Variants in PTPRD observed in about 807,000 individuals in gnomAD.
PTPRD encodes the protein protein tyrosine phosphatase receptor type D, also known as receptor-type tyrosine-protein phosphatase delta.
PTPRD carries 34 observed loss-of-function variants against 214.5 expected under a neutral mutation model. The ratio of observed to expected loss-of-function variants is 0.16; its 90% CI spans 0.12 to 0.21. The LOEUF is 0.21. Among genes scored for constraint, PTPRD ranks in the 10% least tolerant of loss-of-function variants. The probability of loss-of-function intolerance (pLI) is 1.00; values close to 1 mark genes in which losing one functional copy is unlikely to be tolerated. For missense variants in PTPRD, 2,545 were observed against 2,398.7 expected, an observed-to-expected ratio of 1.06 and a Z score of -1.27; for synonymous variants, 1,128 against 845.7, an observed-to-expected ratio of 1.33 and a Z score of -5.79.
chr9:10,587,451 G>C (rs1405616038), intron 2 of PTPRD, among the ~76,000 whole-genome samples: 1 of 151,992 alleles, frequency 6.6e-6, no homozygotes, highest in Non-Finnish European at 1.5e-5. Flanking sequence ...TATCATAAGA[G>C]TGAAAATTAA....
intron 3 of PTPRD, among the ~76,000 whole-genome samples, chr9:10,086,865 T>C (rs1467824557): frequency 6.6e-6 from 1 of 151,864 alleles, no homozygotes; most frequent in African/African-American, 2.4e-5. Flanking sequence ...TGTGTATATG[T>C]GCATCCATCT....
At chr9:8,469,574 T>G (rs747333295) in intron 31 of PTPRD, among the ~76,000 whole-genome samples, 2 of 152,086 alleles carry the variant, frequency 1.3e-5, no homozygotes, top group African/African-American at 2.4e-5. Context: ...TTCAAAATGC[T>G]TAGAAAAGAG....
At chr9:10,115,381 G>T (rs923812944) in intron 3 of PTPRD, among the ~76,000 whole-genome samples, 1 of 152,052 alleles carries the variant, frequency 6.6e-6, no homozygotes, top group African/African-American at 2.4e-5. Flanking sequence ...AGAGTGAATT[G>T]TTTCAATGTA....
intron 3 of PTPRD, among the ~76,000 whole-genome samples, chr9:10,238,181 A>G (rs201675813): frequency 4.7e-5 from 3 of 63,756 alleles, no homozygotes; most frequent in Admixed American, 1.7e-4. Context: ...TACCTGCTCT[A>G]AAGGACAGGA....
chr9:8,423,675 C>CT (rs1460182832), intron 35 of PTPRD, among the ~76,000 whole-genome samples: 3 of 151,952 alleles, frequency 2.0e-5, no homozygotes, highest in Admixed American at 6.6e-5. Context: ...ATAGGTCTCA[C>CT]TTTTTTTTAA....
At chr9:9,221,715 G>A (rs1321821058) in intron 9 of PTPRD, among the ~76,000 whole-genome samples, 2 of 152,066 alleles carry the variant, frequency 1.3e-5, no homozygotes, top group East Asian at 1.9e-4. Flanking sequence ...TACATTGGGT[G>A]TTGGGGTTCT....
rs1338275897 is a variant in PTPRD at position 9,952,743 on chromosome 9, T to TAGAAC, written c.-471-14134_-471-14133insGTTCT. ...TTTAAAAGATGGTTAGAACTAGGGT[T>TAGAAC]TAAACACTGAAGATAGAGTACCTGT... is the stretch of plus-strand genomic sequence containing the variant. On this transcript the variant is annotated intron_variant, in intron 4 of 45. Transcript: ENST00000381196. 7.9e-5 allele frequency among the ~76,000 whole-genome samples: 12 copies of TAGAAC among 152,256 alleles called. No individual in the cohort carries two copies. The East Asian group carries it at 1.2e-3, about 15-fold the overall frequency.
At chr9:9,245,289 A>C (rs1482005026) in intron 9 of PTPRD, among the ~76,000 whole-genome samples, 1 of 152,148 alleles carries the variant, frequency 6.6e-6, no homozygotes, top group Non-Finnish European at 1.5e-5. Context: ...AAAGGAATAT[A>C]AATCATGCTG....
intron 3 of PTPRD, among the ~76,000 whole-genome samples, chr9:10,084,370 T>A (rs1027786452): frequency 1.3e-5 from 2 of 151,924 alleles, no homozygotes; most frequent in African/African-American, 2.4e-5. Flanking sequence ...AAACTGTATA[T>A]CTGTTAAATT....
In PTPRD at chr9:8,317,544, C is replaced by A; in HGVS notation, c.*330G>T. ...AGCATTCTGGCAATTTCTCCTTGCA[C>A]CTTTCAAGCAATCCTGAATAAGATG... On this transcript the variant is annotated 3_prime_UTR_variant, in exon 46 of 46. Coordinates refer to ENST00000381196, the MANE Select transcript of PTPRD (RefSeq NM_002839.4). The A allele has an allele frequency of 3.4e-6, 1 of 293,452 alleles. No individual in the cohort carries two copies. The highest frequency in any genetic ancestry group is 6.6e-6 in the Non-Finnish European group (1 of 151,492). The allele number at this position is 293,452 out of a possible 1,614,324, so 18.2% of individuals were successfully genotyped here. A position where few individuals can be genotyped will look rare whatever the true frequency, so the allele number is the denominator to read the frequency against.
chr9:10,353,224 T>G (rs1452702813), intron 2 of PTPRD, among the ~76,000 whole-genome samples: 1 of 151,992 alleles, frequency 6.6e-6, no homozygotes, highest in Non-Finnish European at 1.5e-5. Context: ...GAGGTGAAGT[T>G]GTGGTCATAT....
chr9:8,731,357 A>C (rs1056855089), intron 12 of PTPRD, among the ~76,000 whole-genome samples: 7 of 152,194 alleles, frequency 4.6e-5, no homozygotes, highest in Non-Finnish European at 8.8e-5. Flanking sequence ...GCTACTATTA[A>C]TAACTCTTGA....
chr9:10,328,887 C>T (rs2096697825), intron 3 of PTPRD, among the ~76,000 whole-genome samples: 1 of 151,684 alleles, frequency 6.6e-6, no homozygotes, highest in Non-Finnish European at 1.5e-5. Flanking sequence ...TCTGACTAGC[C>T]CAGTTCTTTC....
chr9:10,192,298 A>C (rs2099367286), intron 3 of PTPRD, among the ~76,000 whole-genome samples: 1 of 152,028 alleles, frequency 6.6e-6, no homozygotes, highest in Non-Finnish European at 1.5e-5. Flanking sequence ...AAAACTCTGT[A>C]GTTGTTTCAT....
At chr9:9,308,021 C>A (rs1957680701) in intron 9 of PTPRD, among the ~76,000 whole-genome samples, 1 of 152,138 alleles carries the variant, frequency 6.6e-6, no homozygotes, top group Non-Finnish European at 1.5e-5. Context: ...TTTATGAACT[C>A]TCTAGGTTTA....
At position 10,531,616 on chromosome 9, in the gene PTPRD, G is replaced by A. The variant is rs2056349908; in HGVS notation, c.-600+80782C>T. On this transcript the variant is annotated intron_variant, in intron 2 of 45. Coordinates refer to ENST00000381196, the MANE Select transcript of PTPRD (RefSeq NM_002839.4). The stretch of plus-strand genomic sequence containing the variant: ...ATCATTGTGAAGTGGTGAAAGGGAA[G>A]TTCTCTGACATTGGATACAAAGTTG... Among the ~76,000 whole-genome samples the A allele has an allele frequency of 2.0e-5, 3 of 152,296 alleles. No homozygotes were observed. The East Asian group carries it at 5.8e-4, about 29-fold the overall frequency.
intron 9 of PTPRD, among the ~76,000 whole-genome samples, chr9:9,228,648 G>A (rs1205848865): frequency 1.3e-5 from 2 of 151,866 alleles, no homozygotes; most frequent in Admixed American, 1.3e-4. Context: ...CTTGATCACT[G>A]TTTCTGTTCC....
rs567791650 is a variant in PTPRD, at chr9:8,574,856, C to T, written c.353-46077G>A. On this transcript the variant is annotated intron_variant, in intron 14 of 45. Coordinates refer to ENST00000381196, the MANE Select transcript of PTPRD (RefSeq NM_002839.4). ...TAAAATGAAGTGATATGCTGAGATT[C>T]ATAAGCAGTCACAAATGTAAAAATA... 6.6e-4 allele frequency among the ~76,000 whole-genome samples: 100 copies of T among 152,050 alleles called. 1 individual carries two copies. The highest frequency in any genetic ancestry group is 6.9e-4 in the Non-Finnish European group (47 of 67,926).
chr9:8,345,734 C>A (rs571016485), intron 39 of PTPRD, among the ~76,000 whole-genome samples: 1 of 152,152 alleles, frequency 6.6e-6, no homozygotes, highest in South Asian at 2.1e-4. Flanking sequence ...CGTTTGAAAT[C>A]GAAATCAAAG....
Sources: gnomAD v4.1 joint callset for allele counts (sites outside exome capture counted in the v4.1 genomes callset) on GRCh38, gnomAD v4.1.1 for gene constraint, MANE v1.5 for transcripts, NCBI Gene and HGNC (gene_info 2026-07-23, HGNC 2026-07-21) for gene names.